The following STK3 variants were observed in gnomAD, a reference collection of about 807,000 sequenced individuals.
STK3 encodes serine/threonine kinase 3.
STK3 carries 41 observed loss-of-function variants against 58.0 expected under a neutral mutation model. The observed-to-expected ratio is 0.71, with a 90% CI of 0.55 to 0.92. The LOEUF is 0.92. Ranked by LOEUF, STK3 falls within the 40% of genes least tolerant of loss-of-function variation. The pLI is 0.00. For missense variants in STK3, 479 were observed against 602.7 expected (o/e 0.79, Z 2.15); for synonymous variants, 170 against 191.0 (o/e 0.89, Z 0.91).
At chr8:98,739,732 A>G (rs1480330453) in intron 4 of STK3, among the ~76,000 whole-genome samples, 1 of 149,246 alleles carries the variant, frequency 6.7e-6, no homozygotes, top group Admixed American at 6.7e-5. Context: ...GCAACGGAAC[A>G]AAGCTGGACG....
intron 1 of STK3, among the ~76,000 whole-genome samples, chr8:98,811,658 T>C (rs181397089): frequency 6.3e-4 from 96 of 151,820 alleles, no homozygotes; most frequent in African/African-American, 2.2e-3. Context: ...AGTCCTTCAA[T>C]GTAACATTAT....
intron 6 of STK3, chr8:98,598,173 G>A (rs1233229733): frequency 2.0e-6 from 2 of 985,144 alleles, no homozygotes; most frequent in Non-Finnish European, 1.2e-6. Context: ...TAAACTGGTG[G>A]ATAACACAAT....
At chr8:98,719,264 A>G (rs1827236722) in intron 4 of STK3, among the ~76,000 whole-genome samples, 1 of 152,212 alleles carries the variant, frequency 6.6e-6, no homozygotes, top group Non-Finnish European at 1.5e-5. Flanking sequence ...AGGCAGCATC[A>G]GCCCATAAAA....
intron 6 of STK3, among the ~76,000 whole-genome samples, chr8:98,656,487 A>T (rs1821540128): frequency 3.3e-5 from 3 of 90,754 alleles, no homozygotes; most frequent in South Asian, 5.8e-4. Context: ...AAGTATAATA[A>T]AAAAAAAAGT....
intron 6 of STK3, among the ~76,000 whole-genome samples, chr8:98,635,948 G>C (rs1268081769): frequency 6.6e-6 from 1 of 151,880 alleles, no homozygotes; most frequent in Non-Finnish European, 1.5e-5. Context: ...TTGGCCATGA[G>C]GCATCGTCTA....
At chr8:98,534,277 C>T (rs1036287429) in intron 9 of STK3, among the ~76,000 whole-genome samples, 1 of 152,164 alleles carries the variant, frequency 6.6e-6, no homozygotes, top group African/African-American at 2.4e-5. Flanking sequence ...ATGGTACCCA[C>T]TGTAAAGATA....
chr8:98,553,964 A>G (rs1730193543), intron 8 of STK3, among the ~76,000 whole-genome samples: 1 of 152,102 alleles, frequency 6.6e-6, no homozygotes, highest in Non-Finnish European at 1.5e-5. Flanking sequence ...GGGAAAAAAA[A>G]AAAAAGTCTC....
chr8:98,912,269 C>G (rs753303024), intron 1 of STK3, among the ~76,000 whole-genome samples: 1 of 152,054 alleles, frequency 6.6e-6, no homozygotes, highest in African/African-American at 2.4e-5. Flanking sequence ...ATCCTAGCTA[C>G]TTGGAGGCTG....
chr8:98,936,197 C>T (rs1044399792), intron 1 of STK3, among the ~76,000 whole-genome samples: 4 of 152,078 alleles, frequency 2.6e-5, no homozygotes, highest in African/African-American at 7.2e-5. Flanking sequence ...GGATTACAGG[C>T]GTGAGCCACC....
intron 1 of STK3, among the ~76,000 whole-genome samples, chr8:98,776,978 A>C (rs911280495): frequency 6.6e-6 from 1 of 152,016 alleles, no homozygotes; most frequent in South Asian, 2.1e-4. Flanking sequence ...TGAACCCAGG[A>C]GGCGGAGCTT....
chr8:98,429,593 T>A (rs1818299443), intron 3 of STK3: 1 of 581,964 alleles, frequency 1.7e-6, no homozygotes, highest in African/African-American at 1.9e-5. Flanking sequence ...GAGGGTGGTG[T>A]GTCTGACACC....
At chr8:98,541,064 T>C (rs1810216324) in intron 9 of STK3, among the ~76,000 whole-genome samples, 1 of 152,216 alleles carries the variant, frequency 6.6e-6, no homozygotes, top group Admixed American at 6.5e-5. Flanking sequence ...GTGGCAGTAG[T>C]AGTTGTTCCT....
chr8:98,703,645 T>C (rs1400007972), intron 6 of STK3, among the ~76,000 whole-genome samples: 1 of 152,128 alleles, frequency 6.6e-6, no homozygotes, highest in African/African-American at 2.4e-5. Context: ...GCCCTGTTAG[T>C]AACCCCTTGA....
intron 1 of STK3, among the ~76,000 whole-genome samples, chr8:98,921,731 A>G (rs62532613): frequency 0.061 from 9,258 of 151,730 alleles, 400 homozygotes; most frequent in Non-Finnish European, 0.096. Flanking sequence ...TCACTCTATC[A>G]CCCAGGTTGG....
chr8:98,435,153 A>T (rs1416905472), intron 2 of STK3, among the ~76,000 whole-genome samples: 1 of 152,184 alleles, frequency 6.6e-6, no homozygotes, highest in Admixed American at 6.5e-5. Context: ...AGGAATAACT[A>T]TTTCCTTTGT....
chr8:98,428,791 T>C lies in STK3; in HGVS notation n.483+5336A>G. 6.2e-7 allele frequency: 1 copy of C among 1,614,176 alleles called. No homozygotes were observed. Among genetic ancestry groups the C allele is most frequent in the South Asian group, 1.1e-5 (1 of 91,066 alleles). On this transcript the variant is annotated intron_variant and non_coding_transcript_variant, in intron 3 of 3. Transcript: ENST00000517832. The surrounding 1 kb of genome is among the most constrained non-coding windows in gnomAD (Gnocchi z 6.7). The stretch of plus-strand genomic sequence containing the variant: ...ATTGACCTCATGTCCATCGTCCCCT[T>C]TTACATCACTCTGGTGGTGAACCTG...
intron 1 of STK3, among the ~76,000 whole-genome samples, chr8:98,799,143 T>C (rs1833361888): frequency 6.6e-6 from 1 of 152,186 alleles, no homozygotes; most frequent in Non-Finnish European, 1.5e-5. Context: ...GACTATCTCA[T>C]TAAGTTTAGG....
intron 3 of STK3, among the ~76,000 whole-genome samples, chr8:98,872,215 C>G (rs1248764831): frequency 6.6e-6 from 1 of 152,094 alleles, no homozygotes; most frequent in Non-Finnish European, 1.5e-5. Context: ...GGTGGATAAG[C>G]TTTTTGATGT....
chr8:98,914,980 G>A (rs1464606250), intron 1 of STK3, among the ~76,000 whole-genome samples: 1 of 152,164 alleles, frequency 6.6e-6, no homozygotes, highest in Non-Finnish European at 1.5e-5. Flanking sequence ...GCAACTTTGG[G>A]CAAGATCCTT....
Sources: allele counts gnomAD v4.1 joint callset (sites outside exome capture counted in the v4.1 genomes callset), GRCh38; gene constraint gnomAD v4.1.1; non-coding constraint Gnocchi (gnomAD v3.1); transcripts MANE v1.5; gene names NCBI Gene and HGNC (gene_info 2026-07-23, HGNC 2026-07-21).